WDFY3: variants seen among roughly 807,000 people sequenced by gnomAD.
The protein encoded by WDFY3 is WD repeat and FYVE domain containing 3.
WDFY3 carries 66 observed loss-of-function variants against 409.6 expected under a neutral mutation model. The observed-to-expected ratio is 0.16, with a 90% CI of 0.13 to 0.20. The LOEUF (loss-of-function observed/expected upper bound fraction) is 0.20, where lower values mean the gene tolerates loss of function less well. WDFY3 is among the 10% of genes least tolerant of loss of function. The pLI, the probability that WDFY3 is intolerant of heterozygous loss-of-function variation, is 1.00. For synonymous variants in WDFY3, 1,521 were observed against 1,537.1 expected (o/e 0.99, Z 0.25); for missense variants, 3,031 against 4,298.1 (o/e 0.71, Z 8.24).
intron 21 of WDFY3, among the ~76,000 whole-genome samples, chr4:84,793,459 T>TA (rs1278457645): frequency 6.6e-6 from 1 of 152,166 alleles, no homozygotes; most frequent in Non-Finnish European, 1.5e-5. Flanking sequence ...GTCCTTGAGA[T>TA]AAAAAGACTT....
intron 45 of WDFY3, among the ~76,000 whole-genome samples, chr4:84,725,335 G>A (rs115505281): frequency 1.5e-3 from 228 of 152,296 alleles, no homozygotes; most frequent in African/African-American, 5.0e-3. Flanking sequence ...ACATACAGCA[G>A]TCCATTCTGA....
intron 6 of WDFY3, among the ~76,000 whole-genome samples, chr4:84,838,980 A>G (rs1490153151): frequency 6.6e-6 from 1 of 152,180 alleles, no homozygotes; most frequent in Non-Finnish European, 1.5e-5. Context: ...ACCAGCAGAA[A>G]ATGGCACTCA....
chr4:84,864,905 T>G (rs1309848369), intron 3 of WDFY3, among the ~76,000 whole-genome samples: 3 of 152,186 alleles, frequency 2.0e-5, no homozygotes, highest in Non-Finnish European at 4.4e-5. Context: ...TTTTTTCTTT[T>G]GAAACTGGTT....
chr4:84,676,944 C>A (rs1444444171), intron 67 of WDFY3, among the ~76,000 whole-genome samples: 1 of 152,168 alleles, frequency 6.6e-6, no homozygotes, highest in Non-Finnish European at 1.5e-5. Flanking sequence ...ACATACAGGT[C>A]TCTAAATTAA....
chr4:84,830,596 G>C (rs1755567670), intron 8 of WDFY3, among the ~76,000 whole-genome samples: 1 of 152,172 alleles, frequency 6.6e-6, no homozygotes, highest in Non-Finnish European at 1.5e-5. Flanking sequence ...GATTGCTTGA[G>C]ATGCTAAGGC....
intron 1 of WDFY3, among the ~76,000 whole-genome samples, chr4:84,940,030 C>T (rs1026720802): frequency 2.0e-5 from 3 of 152,066 alleles, no homozygotes; most frequent in African/African-American, 7.2e-5. Flanking sequence ...CTCACTGATA[C>T]CTTCAATTCC....
Position 84,721,405 on chromosome 4 carries a change from A to G in WDFY3, c.7605+4T>C, listed in dbSNP as rs187897046. 4,138 of 1,613,358 alleles carry G rather than the reference A, an allele frequency of 2.6e-3. 5 individuals are homozygous for G. The highest frequency in any genetic ancestry group is 3.6e-3 in the Admixed American group (214 of 60,002). On this transcript the variant is annotated splice_donor_region_variant and intron_variant, in intron 47 of 67. Transcript: ENST00000295888. ...ACAATCCTTACTTTTCAGAAGCACA[A>G]TACCTTTTCTCCTTCCTCTAACAGG...
chr4:84,899,249 T>C (rs1766034211), intron 2 of WDFY3, among the ~76,000 whole-genome samples: 1 of 152,074 alleles, frequency 6.6e-6, no homozygotes. Context: ...AGAAAAAATA[T>C]ATCCAAGCCA....
intron 53 of WDFY3, among the ~76,000 whole-genome samples, chr4:84,706,778 A>G (rs2148968812): frequency 6.6e-6 from 1 of 152,134 alleles, no homozygotes; most frequent in Non-Finnish European, 1.5e-5. Context: ...ACTAAATTAC[A>G]AGAGAGGGAA....
intron 30 of WDFY3, among the ~76,000 whole-genome samples, chr4:84,768,483 G>C (rs1041769313): frequency 6.6e-6 from 1 of 152,112 alleles, no homozygotes. Flanking sequence ...GAAAATCCTA[G>C]GGCCCTAAGA....
chr4:84,913,690 G>A (rs760476260), intron 2 of WDFY3, among the ~76,000 whole-genome samples: 4 of 151,788 alleles, frequency 2.6e-5, no homozygotes, highest in Non-Finnish European at 5.9e-5. Flanking sequence ...TATGATACAG[G>A]CACTGAAACT....
rs564424221 is a variant in WDFY3, at chr4:84,764,243, C to T, written c.5188+1567G>A. ...AACCTTGCATATTCAACAGAACTCA[C>T]ATTCAGTTGTGCCTTTCGTTATTTA... On this transcript the variant is annotated intron_variant, in intron 32 of 67. Transcript: ENST00000295888. Among the ~76,000 whole-genome samples the T allele has an allele frequency of 3.9e-4, 59 of 152,270 alleles. No homozygotes were observed. The South Asian group carries it at 0.012, about 30-fold the overall frequency.
In WDFY3 at chr4:84,847,812, CA is replaced by C. The variant is rs893404089; in HGVS notation, c.304+2089del. Among the ~76,000 whole-genome samples the C allele has an allele frequency of 7.4e-5, 7 of 94,792 alleles. 1 individual carries two copies. The South Asian group carries it at 1.1e-3, about 14-fold the overall frequency. The allele number at this position is 94,792 out of a possible 152,430, so 62.2% of individuals were successfully genotyped here. ...AACCAAAAAAAAAAACAAAAAAAAA[CA>C]AAAAAAACCCCAGAAAGGTAAGAAG... is the stretch of plus-strand genomic sequence containing the variant. On this transcript the variant is annotated intron_variant, in intron 5 of 67. Transcript: ENST00000295888.
At position 84,939,688 on chromosome 4, in the gene WDFY3, G is replaced by GA. The variant is rs540843567; in HGVS notation, c.-225-7326dup. Among the ~76,000 whole-genome samples, 3 of 151,618 alleles carry GA rather than the reference G, an allele frequency of 2.0e-5. No homozygotes were observed. In the South Asian group the frequency reaches 6.2e-4, roughly 32 times the overall value. On this transcript the variant is annotated intron_variant, in intron 1 of 67. Transcript: ENST00000295888. ...AAATTATCTCAAATTTGGCTAGCAG[G>GA]AATGCCAATAGGCTTCTTGTGACAT... is the stretch of plus-strand genomic sequence containing the variant.
At position 84,707,534 on chromosome 4, in the gene WDFY3, T is replaced by C. The variant is rs190447679; in HGVS notation, c.8217+1375A>G. Among the ~76,000 whole-genome samples the C allele has an allele frequency of 1.3e-4, 20 of 152,240 alleles. No homozygotes were observed. In the East Asian group the frequency reaches 3.9e-3, roughly 29 times the overall value. ...GGGGAATACACGGTGAAGGTCAGAA[T>C]TGCATCGGGAGAATGTGGTAGAGAA... On this transcript the variant is annotated intron_variant, in intron 53 of 67. Transcript: ENST00000295888.
chr4:84,767,600 C>T (rs1471878388), intron 30 of WDFY3, among the ~76,000 whole-genome samples: 2 of 151,458 alleles, frequency 1.3e-5, no homozygotes, highest in Non-Finnish European at 2.9e-5. Flanking sequence ...ACTGAAAGTG[C>T]TACTCCAGTG....
intron 1 of WDFY3, among the ~76,000 whole-genome samples, chr4:84,964,347 T>C (rs1487763945): frequency 6.6e-6 from 1 of 152,168 alleles, no homozygotes; most frequent in African/African-American, 2.4e-5. Flanking sequence ...CATGCACATG[T>C]AGTCCTAACT....
chr4:84,674,809 A>G (rs1725983174), intron 67 of WDFY3, among the ~76,000 whole-genome samples: 1 of 151,552 alleles, frequency 6.6e-6, no homozygotes, highest in Admixed American at 6.6e-5. Flanking sequence ...CGGAGGCTGC[A>G]GTGAGCCGAG....
At chr4:84,947,642 G>A (rs1773054842) in intron 1 of WDFY3, among the ~76,000 whole-genome samples, 2 of 148,306 alleles carry the variant, frequency 1.3e-5, no homozygotes, top group South Asian at 4.3e-4. Flanking sequence ...AGCCAAGGCA[G>A]TCAAGATCGC....
Sources: gnomAD v4.1 joint callset for allele counts (sites outside exome capture counted in the v4.1 genomes callset) on GRCh38, gnomAD v4.1.1 for gene constraint, MANE v1.5 for transcripts, NCBI Gene and HGNC (gene_info 2026-07-23, HGNC 2026-07-21) for gene names.